SORCS3: variants seen among roughly 807,000 people sequenced by gnomAD.
SORCS3 encodes VPS10 domain-containing receptor SorCS3.
In SORCS3, 57 loss-of-function variants were observed where a neutral mutation model predicts 146.3. The observed-to-expected ratio is 0.39, with a 90% confidence interval of 0.31 to 0.49. The LOEUF (loss-of-function observed/expected upper bound fraction) is 0.49. SORCS3 is among the 20% of genes least tolerant of loss of function. The pLI, the probability that SORCS3 is intolerant of heterozygous loss-of-function variation, is 0.92. For synonymous variants in SORCS3, 653 were observed against 618.5 expected, an observed-to-expected ratio of 1.06 and a Z score of -0.83; for missense variants, 1,341 against 1,575.5, an observed-to-expected ratio of 0.85 and a Z score of 2.52.
intron 3 of SORCS3, among the ~76,000 whole-genome samples, chr10:104,961,036 A>T (rs200431753): frequency 1.3e-5 from 2 of 152,276 alleles, no homozygotes; most frequent in East Asian, 3.9e-4. Flanking sequence ...CAAGATGCTT[A>T]TAAATTAGGT....
chr10:104,643,922 G>A (rs186844732), intron 1 of SORCS3, among the ~76,000 whole-genome samples: 1 of 152,252 alleles, frequency 6.6e-6, no homozygotes, highest in Non-Finnish European at 1.5e-5. Flanking sequence ...TTTATTTTAA[G>A]GATTATTTTT....
At position 105,160,318 on chromosome 10, in the gene SORCS3, C is replaced by A. The variant is rs574409161; in HGVS notation, c.1732+1324C>A. ...AATAGAATTGCAGGATATAATGAAA[C>A]AATGAATTTAAAATGCTTAGAACAA... On this transcript the variant is annotated intron_variant, in intron 11 of 26. Transcript: ENST00000369701. 5.3e-5 allele frequency among the ~76,000 whole-genome samples: 8 copies of A among 152,270 alleles called. No individual in the cohort carries two copies. The South Asian group carries it at 1.2e-3, about 24-fold the overall frequency.
intron 7 of SORCS3, among the ~76,000 whole-genome samples, chr10:105,119,582 AG>A (rs755406602): frequency 6.6e-5 from 10 of 152,194 alleles, no homozygotes; most frequent in Non-Finnish European, 1.2e-4. Context: ...TACCCTGCAA[AG>A]CCACAGGGGC....
chr10:105,185,394 G>T (rs1159148201), intron 14 of SORCS3, among the ~76,000 whole-genome samples: 1 of 152,140 alleles, frequency 6.6e-6, no homozygotes, highest in Non-Finnish European at 1.5e-5. Context: ...TTCTCCTGAA[G>T]CTGCATGGCA....
chr10:105,073,360 C>T (rs1223679453), intron 5 of SORCS3, among the ~76,000 whole-genome samples: 1 of 152,176 alleles, frequency 6.6e-6, no homozygotes, highest in Non-Finnish European at 1.5e-5. Flanking sequence ...GGATATTTCA[C>T]CCTTGTTTCT....
At chr10:105,177,010 AAG>A (rs1465808886) in intron 13 of SORCS3, among the ~76,000 whole-genome samples, 3 of 150,806 alleles carry the variant, frequency 2.0e-5, no homozygotes, top group Non-Finnish European at 4.4e-5. Context: ...GGAGCATTGT[AAG>A]AGAGATATAT....
At chr10:104,741,426 T>G (rs888602432) in intron 1 of SORCS3, among the ~76,000 whole-genome samples, 1 of 152,074 alleles carries the variant, frequency 6.6e-6, no homozygotes, top group Non-Finnish European at 1.5e-5. Flanking sequence ...TGATGTGCAT[T>G]TCTTGGGTTT....
chr10:105,106,917 G>A (rs889067264), intron 7 of SORCS3, among the ~76,000 whole-genome samples: 20 of 152,152 alleles, frequency 1.3e-4, no homozygotes, highest in Admixed American at 1.2e-3. Flanking sequence ...CTACTCTAGA[G>A]TTCCTCAAGT....
At chr10:104,997,768 TC>T (rs1450940689) in intron 4 of SORCS3, among the ~76,000 whole-genome samples, 2 of 152,204 alleles carry the variant, frequency 1.3e-5, no homozygotes, top group African/African-American at 4.8e-5. Flanking sequence ...TGCCAGAGCC[TC>T]CTTTTTCATT....
chr10:105,209,373 C>G (rs568518856), intron 16 of SORCS3, among the ~76,000 whole-genome samples: 2 of 152,190 alleles, frequency 1.3e-5, no homozygotes, highest in South Asian at 4.1e-4. Context: ...AAACTCCTGA[C>G]CTCAGATGAT....
chr10:104,719,978 G>GTT (rs111457793), intron 1 of SORCS3, among the ~76,000 whole-genome samples: 1 of 137,296 alleles, frequency 7.3e-6, no homozygotes, highest in Non-Finnish European at 1.6e-5. Context: ...CTGCTCATAG[G>GTT]TTTTTTTTTT....
At chr10:104,865,485 C>T (rs2018449269) in intron 2 of SORCS3, among the ~76,000 whole-genome samples, 1 of 152,176 alleles carries the variant, frequency 6.6e-6, no homozygotes, top group South Asian at 2.1e-4. Context: ...AGGGAAATGA[C>T]TTGTTTAACC....
chr10:105,158,812 C>A, intron 10 of SORCS3, 80 bp from the exon 11 acceptor site: 1 of 1,072,876 alleles, frequency 9.3e-7, no homozygotes, highest in Non-Finnish European at 1.4e-6. Flanking sequence ...AGCTGAACAT[C>A]GGGAAGCCCA....
chr10:104,726,829 C>A (rs963477669), intron 1 of SORCS3, among the ~76,000 whole-genome samples: 1 of 152,132 alleles, frequency 6.6e-6, no homozygotes, highest in Non-Finnish European at 1.5e-5. Context: ...GAGCTTCTCC[C>A]CCAGAATAGG....
chr10:104,817,475 C>T (rs1185792508), intron 1 of SORCS3, among the ~76,000 whole-genome samples: 4 of 82,312 alleles, frequency 4.9e-5, no homozygotes, highest in African/African-American at 1.7e-4. Flanking sequence ...CCTTCTTCCT[C>T]CTCTCCTTCT....
At chr10:104,680,428 C>T (rs781442566) in intron 1 of SORCS3, among the ~76,000 whole-genome samples, 9 of 152,182 alleles carry the variant, frequency 5.9e-5, no homozygotes, top group Admixed American at 6.5e-5. Context: ...CATCTCTAGG[C>T]GTGTGCCAGA....
chr10:104,842,042 G>A (rs961708965), intron 1 of SORCS3, among the ~76,000 whole-genome samples: 4 of 152,148 alleles, frequency 2.6e-5, no homozygotes, highest in Non-Finnish European at 5.9e-5. Context: ...AAAGCGCATG[G>A]GAACAGACTG....
At chr10:104,751,567 G>A (rs1215059458) in intron 1 of SORCS3, among the ~76,000 whole-genome samples, 1 of 152,128 alleles carries the variant, frequency 6.6e-6, no homozygotes, top group East Asian at 1.9e-4. Flanking sequence ...GCCCTTGCAA[G>A]GCACGGTGAG....
chr10:104,786,427 A>G (rs544673795), intron 1 of SORCS3, among the ~76,000 whole-genome samples: 1 of 152,016 alleles, frequency 6.6e-6, no homozygotes, highest in African/African-American at 2.4e-5. Flanking sequence ...ACGTGCCTGT[A>G]ATCCCAGCTA....
Sources: gnomAD v4.1 joint callset for allele counts (sites outside exome capture counted in the v4.1 genomes callset) on GRCh38, gnomAD v4.1.1 for gene constraint, MANE v1.5 for transcripts, NCBI Gene and HGNC (gene_info 2026-07-23, HGNC 2026-07-21) for gene names.